Variants in RABGAP1 observed in about 807,000 individuals in gnomAD.
The protein encoded by RABGAP1 is RAB GTPase activating protein 1, also known as rab GTPase-activating protein 1.
Under a neutral mutation model 137.6 loss-of-function variants are expected in RABGAP1, and 23 were observed. The ratio of observed to expected loss-of-function variants is 0.17; its 90% CI spans 0.12 to 0.24. The LOEUF is 0.24. Among genes scored for constraint, RABGAP1 ranks in the 10% least tolerant of loss-of-function variants. The pLI is 1.00. For missense variants in RABGAP1, 906 were observed against 1,275.8 expected (o/e 0.71, Z 4.42); for synonymous variants, 451 against 450.7 (o/e 1.00, Z -0.01).
intron 11 of RABGAP1, among the ~76,000 whole-genome samples, chr9:123,011,753 G>A (rs2030828069): frequency 2.0e-5 from 3 of 152,052 alleles, no homozygotes; most frequent in South Asian, 2.1e-4. Context: ...TCAGGAGTTC[G>A]AGACTAGTCT....
At chr9:123,080,704 C>T (rs545252469) in intron 19 of RABGAP1, among the ~76,000 whole-genome samples, 16 of 152,042 alleles carry the variant, frequency 1.1e-4, no homozygotes, top group Non-Finnish European at 1.8e-4. Flanking sequence ...CTCGAAAGGG[C>T]GGTTCATGAT....
At position 122,950,377 on chromosome 9, in the gene RABGAP1, C is replaced by CTTTTTTTTTTTTTTTTTTTTTTTTTTTT. The variant is rs200424486; in HGVS notation, c.-49-6612_-49-6611insTTTTTTTTTTTTTTTTTTTTTTTTTTTT. ...CTTTTTTTTCTTTTTCTTTTTCTTTCTTTTTTTTTTTTTTTTTTTTTTGAT... is the reference window on the plus strand; with the variant it reads ...CTTTTTTTTCTTTTTCTTTTTCTTTCTTTTTTTTTTTTTTTTTTTTTTTTTTTTTTTTTTTTTTTTTTTTTTTTTTGAT... On this transcript the variant is annotated intron_variant, in intron 1 of 25. Coordinates refer to ENST00000373647, the MANE Select transcript of RABGAP1 (RefSeq NM_012197.4). Among the ~76,000 whole-genome samples the CTTTTTTTTTTTTTTTTTTTTTTTTTTTT allele has an allele frequency of 1.2e-3, 88 of 74,474 alleles. 1 individual carries two copies. The highest frequency in any genetic ancestry group is 8.1e-3 in the East Asian group (15 of 1,848). 48.9% of individuals were successfully genotyped at this position (74,474 alleles called of 152,430 possible).
At chr9:123,037,748 G>A (rs1372532178) in intron 13 of RABGAP1, among the ~76,000 whole-genome samples, 1 of 152,104 alleles carries the variant, frequency 6.6e-6, no homozygotes, top group Non-Finnish European at 1.5e-5. Flanking sequence ...TGTTGGGAGA[G>A]AGGAGATGCT....
At chr9:123,088,247 G>A (rs1434007766) in intron 19 of RABGAP1, among the ~76,000 whole-genome samples, 1 of 151,782 alleles carries the variant, frequency 6.6e-6, no homozygotes, top group East Asian at 1.9e-4. Flanking sequence ...AGAGAGTCTT[G>A]CTGTGTTGCC....
chr9:122,974,413 G>GTC (rs750554160), intron 2 of RABGAP1, among the ~76,000 whole-genome samples: 1 of 48,914 alleles, frequency 2.0e-5, no homozygotes, highest in Non-Finnish European at 3.8e-5. Flanking sequence ...AAATGGCTTT[G>GTC]TCTTTTTTTT....
At chr9:123,089,957 T>C in intron 20 of RABGAP1, 107 bp downstream of exon 20, 1 of 1,034,256 alleles carries the variant, frequency 9.7e-7, no homozygotes, top group South Asian at 1.5e-5. Flanking sequence ...AATTCCTCTG[T>C]AGGTTCAGGT....
chr9:123,024,102 C>T (rs2031813740), intron 13 of RABGAP1, among the ~76,000 whole-genome samples: 1 of 152,170 alleles, frequency 6.6e-6, no homozygotes, highest in Admixed American at 6.5e-5. Flanking sequence ...ACATAAAATA[C>T]ATAGTATGCT....
At chr9:123,058,560 T>A (rs2033841616) in intron 13 of RABGAP1, among the ~76,000 whole-genome samples, 1 of 152,130 alleles carries the variant, frequency 6.6e-6, no homozygotes, top group African/African-American at 2.4e-5. Context: ...TTTTTTTTCC[T>A]TTTAAAATGC....
At chr9:122,970,618 C>T (rs1278788828) in intron 2 of RABGAP1, among the ~76,000 whole-genome samples, 1 of 152,140 alleles carries the variant, frequency 6.6e-6, no homozygotes, top group African/African-American at 2.4e-5. Flanking sequence ...TCCTTCCCTT[C>T]CTACCCTCTG....
In RABGAP1 at chr9:123,070,320, T is replaced by G; in HGVS notation, c.1909-30T>G. The G allele has an allele frequency of 3.7e-6, 6 of 1,613,488 alleles. No homozygotes were observed. Among genetic ancestry groups the G allele is most frequent in the Non-Finnish European group, 5.1e-6 (6 of 1,179,722 alleles). Reference sequence around the variant, plus strand: ...TGGCCCACAAGTGGCTACATTCATTTACATTTCCTCTGTGTGTTTTATTTT... The same window carrying G: ...TGGCCCACAAGTGGCTACATTCATTGACATTTCCTCTGTGTGTTTTATTTT... On this transcript the variant is annotated intron_variant, in intron 14 of 25. Transcript: ENST00000373647. This position sits in a 1 kb window ranked among gnomAD's most constrained non-coding sequence, Gnocchi z 4.4.
chr9:123,085,971 C>T (rs2034853517), intron 19 of RABGAP1, among the ~76,000 whole-genome samples: 1 of 152,142 alleles, frequency 6.6e-6, no homozygotes, highest in Non-Finnish European at 1.5e-5. Flanking sequence ...CAACTACTTT[C>T]CAAGCATTGA....
chr9:122,963,163 A>C (rs935947693), intron 2 of RABGAP1, among the ~76,000 whole-genome samples: 1 of 152,222 alleles, frequency 6.6e-6, no homozygotes, highest in Admixed American at 6.5e-5. Flanking sequence ...AATCCCAGCA[A>C]TTCAGGAGGC....
At chr9:122,957,905 T>G (rs1421979710) in intron 2 of RABGAP1, among the ~76,000 whole-genome samples, 1 of 151,198 alleles carries the variant, frequency 6.6e-6, no homozygotes, top group African/African-American at 2.4e-5. Context: ...TTTTTAAGAA[T>G]GAATCATCCA....
intron 13 of RABGAP1, among the ~76,000 whole-genome samples, chr9:123,056,723 A>G (rs1192851558): frequency 6.6e-6 from 1 of 152,054 alleles, no homozygotes; most frequent in Non-Finnish European, 1.5e-5. Context: ...TTAACAAAGC[A>G]CATCTTGCAC....
chr9:123,074,586 T>C (rs2034456436), intron 17 of RABGAP1, among the ~76,000 whole-genome samples, 158 bp downstream of exon 17: 1 of 152,240 alleles, frequency 6.6e-6, no homozygotes, highest in Non-Finnish European at 1.5e-5. Context: ...TTCCTTGGAC[T>C]AAAGCTAATG....
At chr9:123,079,646 G>A (rs941360927) in intron 19 of RABGAP1, among the ~76,000 whole-genome samples, 7 of 152,154 alleles carry the variant, frequency 4.6e-5, no homozygotes, top group Admixed American at 3.3e-4. Flanking sequence ...CTCCTACTAC[G>A]TTTCCCCCTT....
rs149623085 is a variant in RABGAP1 at position 123,081,841 on chromosome 9, A to G, written c.2424+5079A>G. 2.4e-3 allele frequency among the ~76,000 whole-genome samples: 359 copies of G among 152,348 alleles called. 1 individual carries two copies. The highest frequency in any genetic ancestry group is 8.2e-3 in the African/African-American group (341 of 41,572). The stretch of plus-strand genomic sequence containing the variant: ...TCCTCACAATACCCTGTGAGATACA[A>G]TAGGGCACATCAAGTGACTTACCCA... On this transcript the variant is annotated intron_variant, in intron 19 of 25. Transcript: ENST00000373647.
intron 8 of RABGAP1, chr9:122,997,057 C>A: frequency 3.4e-6 from 2 of 582,608 alleles, no homozygotes; most frequent in South Asian, 2.0e-5. Context: ...ATTTGATATT[C>A]GTAAGCATAT....
intron 1 of RABGAP1, 72 bp from the exon 2 acceptor site, chr9:122,956,939 G>T (rs947443019): frequency 6.4e-6 from 5 of 781,314 alleles, no homozygotes; most frequent in Non-Finnish European, 8.8e-6. Context: ...AATATGTTGT[G>T]TAAGAAGTAC....
Sources: gnomAD v4.1 joint callset for allele counts (sites outside exome capture counted in the v4.1 genomes callset) on GRCh38, gnomAD v4.1.1 for gene constraint, Gnocchi (gnomAD v3.1) non-coding constraint, MANE v1.5 for transcripts, NCBI Gene and HGNC (gene_info 2026-07-23, HGNC 2026-07-21) for gene names.